The following NLGN1 variants were observed in gnomAD, a reference collection of about 807,000 sequenced individuals.
NLGN1 encodes the protein neuroligin 1.
Under a neutral mutation model 65.5 loss-of-function variants are expected in NLGN1, and 12 were observed. That is an observed-to-expected ratio of 0.18 (90% CI 0.12 to 0.30). NLGN1 has a LOEUF of 0.30. NLGN1 is among the 10% of genes least tolerant of loss of function. NLGN1 has a pLI of 1.00. For missense variants in NLGN1, 750 were observed against 1,007.1 expected (o/e 0.74, Z 3.46); for synonymous variants, 350 against 359.5 (o/e 0.97, Z 0.30).
chr3:174,132,955 C>T (rs569505999), intron 4 of NLGN1, among the ~76,000 whole-genome samples: 2 of 152,304 alleles, frequency 1.3e-5, no homozygotes, highest in Admixed American at 1.3e-4. Flanking sequence ...GACAATCCAA[C>T]ACCCTCCCCA....
At position 173,606,990 on chromosome 3, in the gene NLGN1, A is replaced by G. The variant is rs147250972; in HGVS notation, c.493+1899A>G. ...ATTAGCTAAGTGACTTTCGCCTCCTATTACAAAGATGTTGATTCACAAAGT... is the reference window on the plus strand; with the variant it reads ...ATTAGCTAAGTGACTTTCGCCTCCTGTTACAAAGATGTTGATTCACAAAGT... On this transcript the variant is annotated intron_variant, in intron 3 of 6. Transcript: ENST00000457714. Among the ~76,000 whole-genome samples the G allele has an allele frequency of 3.3e-5, 5 of 152,074 alleles. No homozygotes were observed. In the East Asian group the frequency reaches 9.7e-4, roughly 29 times the overall value.
rs549757245 is a variant in NLGN1, at chr3:173,685,609, T to C, written c.493+80518T>C. The stretch of plus-strand genomic sequence containing the variant: ...GTTATTAAAGTTCAGTTATCAGAGA[T>C]AGGCTGGAAGTCAATGATTTAAGAT... On this transcript the variant is annotated intron_variant, in intron 3 of 6. Coordinates refer to ENST00000457714, the Ensembl canonical transcript of NLGN1. 197 of 981,142 alleles carry C rather than the reference T, an allele frequency of 2.0e-4. 1 individual carries two copies. In the South Asian group the frequency reaches 8.2e-3, roughly 41 times the overall value. The allele number at this position is 981,142 out of a possible 1,614,324, so 60.8% of individuals were successfully genotyped here.
chr3:173,895,486 A>G (rs934828267), intron 4 of NLGN1, among the ~76,000 whole-genome samples: 2 of 152,180 alleles, frequency 1.3e-5, no homozygotes, highest in South Asian at 2.1e-4. Context: ...CAGACACCAT[A>G]TAACAGGGTA....
chr3:173,899,102 A>C (rs1438677543), intron 4 of NLGN1, among the ~76,000 whole-genome samples: 4 of 152,132 alleles, frequency 2.6e-5, no homozygotes, highest in Admixed American at 2.6e-4. Context: ...ACAAGCAAGA[A>C]GCCAGTTTTA....
intron 4 of NLGN1, among the ~76,000 whole-genome samples, chr3:174,071,578 G>T (rs1480018061): frequency 6.6e-6 from 1 of 151,900 alleles, no homozygotes; most frequent in Non-Finnish European, 1.5e-5. Flanking sequence ...TGGTGGTATG[G>T]GCCAGTAGGC....
At chr3:174,002,054 T>TAA (rs201681047) in intron 4 of NLGN1, among the ~76,000 whole-genome samples, 101 of 128,062 alleles carry the variant, frequency 7.9e-4, no homozygotes, top group Middle Eastern at 8.1e-3. Flanking sequence ...TAGACAGATT[T>TAA]AAAAAAAAAA....
intron 3 of NLGN1, among the ~76,000 whole-genome samples, chr3:173,779,775 A>G (rs916471410): frequency 6.6e-6 from 1 of 152,152 alleles, no homozygotes; most frequent in Admixed American, 6.5e-5. Context: ...TCAGCTACAA[A>G]TCTGACAGTA....
chr3:173,515,242 C>G (rs1467938936), intron 2 of NLGN1, among the ~76,000 whole-genome samples: 1 of 152,036 alleles, frequency 6.6e-6, no homozygotes, highest in Non-Finnish European at 1.5e-5. Flanking sequence ...TGTATTTCCT[C>G]AATTATTAGT....
Position 174,223,983 on chromosome 3 carries a change from C to T in NLGN1, c.647-51332C>T, listed in dbSNP as rs182863368. ...CACATTCTACTTCCTAAATGTCTCT[C>T]TAGTTTAACCCAAACTTTCCATCCT... On this transcript the variant is annotated intron_variant, in intron 4 of 6. Coordinates refer to ENST00000457714, the Ensembl canonical transcript of NLGN1. 1.2e-3 allele frequency among the ~76,000 whole-genome samples: 180 copies of T among 152,320 alleles called. 1 individual carries two copies. The highest frequency in any genetic ancestry group is 4.0e-3 in the African/African-American group (168 of 41,564).
chr3:174,111,055 G>A (rs1715111566), intron 4 of NLGN1, among the ~76,000 whole-genome samples: 1 of 151,954 alleles, frequency 6.6e-6, no homozygotes, highest in Admixed American at 6.6e-5. Context: ...TCATGGATTG[G>A]CCAGAATACA....
intron 3 of NLGN1, among the ~76,000 whole-genome samples, chr3:173,777,444 A>C (rs1780465485): frequency 6.6e-6 from 1 of 151,930 alleles, no homozygotes; most frequent in South Asian, 2.1e-4. Flanking sequence ...ACATTTATAC[A>C]TTATGTAATG....
intron 4 of NLGN1, among the ~76,000 whole-genome samples, chr3:174,273,674 T>TACA (rs1749927619): frequency 6.6e-6 from 1 of 151,798 alleles, no homozygotes; most frequent in African/African-American, 2.4e-5. Flanking sequence ...CTGTATTTTT[T>TACA]ACAACTTTAG....
chr3:173,745,918 T>G (rs1283054659), intron 3 of NLGN1, among the ~76,000 whole-genome samples: 2 of 152,144 alleles, frequency 1.3e-5, no homozygotes, highest in African/African-American at 2.4e-5. Context: ...GAGGCTTACA[T>G]CATTGCAATC....
chr3:173,603,282 C>G (rs1255570108), intron 2 of NLGN1, among the ~76,000 whole-genome samples: 2 of 152,114 alleles, frequency 1.3e-5, no homozygotes, highest in African/African-American at 2.4e-5. Flanking sequence ...CATCACATTG[C>G]TCTGTGGATT....
chr3:173,768,200 A>G lies in NLGN1; in HGVS notation c.494-39480A>G, dbSNP rs377226837. Among the ~76,000 whole-genome samples, 122 of 152,306 alleles carry G rather than the reference A, an allele frequency of 8.0e-4. 2 individuals are homozygous for G. In the East Asian group the frequency reaches 0.018, roughly 22 times the overall value. On this transcript the variant is annotated intron_variant, in intron 3 of 6. Coordinates refer to ENST00000457714, the Ensembl canonical transcript of NLGN1. ...CGAATACCTGAGTTTGGGGGGAAAA[A>G]GTTACTGTTAATGTTGAAAGAAAAG...
chr3:174,198,599 T>G (rs759960032), intron 4 of NLGN1, among the ~76,000 whole-genome samples: 6 of 152,192 alleles, frequency 3.9e-5, no homozygotes, highest in Non-Finnish European at 8.8e-5. Context: ...CATCATTGGA[T>G]AAAATTATTT....
intron 4 of NLGN1, among the ~76,000 whole-genome samples, chr3:173,907,402 A>T (rs1161391061): frequency 1.3e-5 from 2 of 152,094 alleles, no homozygotes; most frequent in Admixed American, 6.6e-5. Context: ...AGAGTCCAGG[A>T]TTCTACAGAG....
At chr3:173,997,547 T>C (rs533822211) in intron 4 of NLGN1, among the ~76,000 whole-genome samples, 1 of 152,264 alleles carries the variant, frequency 6.6e-6, no homozygotes, top group East Asian at 1.9e-4. Context: ...CTTTATCAAA[T>C]TGATTCTAAG....
intron 4 of NLGN1, among the ~76,000 whole-genome samples, chr3:173,846,960 G>A (rs1725909159): frequency 2.0e-5 from 3 of 152,130 alleles, no homozygotes; most frequent in Admixed American, 2.0e-4. Context: ...TCTCCTTGAT[G>A]TATCAATAGT....
Sources: allele counts gnomAD v4.1 joint callset (sites outside exome capture counted in the v4.1 genomes callset), GRCh38; gene constraint gnomAD v4.1.1; transcripts MANE v1.5; gene names NCBI Gene and HGNC (gene_info 2026-07-23, HGNC 2026-07-21).